The following C12orf42 variants were observed in gnomAD, a reference collection of about 807,000 sequenced individuals.
C12orf42 encodes chromosome 12 open reading frame 42.
In C12orf42, 25 loss-of-function variants were observed where a neutral mutation model predicts 21.6. That is an observed-to-expected ratio of 1.16 (90% CI 0.84 to 1.62). The LOEUF is 1.62. Ranked by LOEUF, C12orf42 falls within the 40% of genes most tolerant of loss-of-function variation. The pLI, the probability that C12orf42 is intolerant of heterozygous loss-of-function variation, is 0.00. For synonymous variants in C12orf42, 174 were observed against 175.0 expected, an observed-to-expected ratio of 0.99 and a Z score of 0.05; for missense variants, 483 against 459.3, an observed-to-expected ratio of 1.05 and a Z score of -0.47.
downstream of C12orf42, among the ~76,000 whole-genome samples, chr12:103,233,365 T>G (rs892842730): frequency 6.6e-6 from 1 of 152,210 alleles, no homozygotes; most frequent in Admixed American, 6.5e-5. Flanking sequence ...CAAAATAATC[T>G]TTGAGGATTT....
Position 103,328,645 on chromosome 12 carries a change from C to T in C12orf42, c.260-22300G>A, listed in dbSNP as rs118011875. Among the ~76,000 whole-genome samples, 109 of 152,280 alleles carry T rather than the reference C, an allele frequency of 7.2e-4. 2 individuals carry two copies. The highest frequency in any genetic ancestry group is 7.1e-3 in the East Asian group (37 of 5,188). ...CCATTGAGTGAAAGCATTTATTGAACAGAAAACATTTTTATTCTCTAGAAA... is the reference window on the plus strand; with the variant it reads ...CCATTGAGTGAAAGCATTTATTGAATAGAAAACATTTTTATTCTCTAGAAA... On this transcript the variant is annotated intron_variant, in intron 4 of 5. Transcript: ENST00000548883.
chr12:103,416,228 G>A (rs1593907807), intron 2 of C12orf42, among the ~76,000 whole-genome samples: 2 of 90,340 alleles, frequency 2.2e-5, no homozygotes, highest in African/African-American at 6.2e-5. Flanking sequence ...AAGTAATGTA[G>A]GTTAAAAAAA....
the C12orf42 span, among the ~76,000 whole-genome samples, chr12:103,535,105 T>C: frequency 7.2e-5 from 11 of 152,172 alleles, no homozygotes; most frequent in African/African-American, 2.7e-4. Flanking sequence ...GAGCCTTGTG[T>C]CCTCTGCCAG....
the C12orf42 span, among the ~76,000 whole-genome samples, chr12:103,161,012 C>A: frequency 1.3e-5 from 2 of 152,186 alleles, no homozygotes; most frequent in Non-Finnish European, 2.9e-5. Context: ...CTATGTGAAA[C>A]GTTGAGCATA....
the C12orf42 span, among the ~76,000 whole-genome samples, chr12:103,169,240 A>G: frequency 6.6e-6 from 1 of 151,958 alleles, no homozygotes; most frequent in Non-Finnish European, 1.5e-5. Context: ...TTCGTGCACT[A>G]TGTAAATGGA....
rs138605017 is a variant in C12orf42 at position 103,434,543 on chromosome 12, C to T, written c.79-32868G>A. On this transcript the variant is annotated intron_variant, in intron 2 of 5. Coordinates refer to ENST00000548883, the MANE Select transcript of C12orf42 (RefSeq NM_198521.5). The stretch of plus-strand genomic sequence containing the variant: ...CAGTGGGTGCAGGTCAGTGGGTGCG[C>T]GTACCATGCACGAGCCGAAGCAGGG... Among the ~76,000 whole-genome samples the T allele has an allele frequency of 8.5e-3, 1,297 of 152,142 alleles. 34 individuals are homozygous for T. The highest frequency in any genetic ancestry group is 0.035 in the Admixed American group (533 of 15,282).
chr12:103,410,648 A>C (rs1013908565), intron 2 of C12orf42, among the ~76,000 whole-genome samples: 9 of 152,228 alleles, frequency 5.9e-5, no homozygotes, highest in Admixed American at 1.3e-4. Flanking sequence ...TGCCAGAAGA[A>C]CATTTGGAAC....
chr12:103,534,936 C>T, the C12orf42 span, among the ~76,000 whole-genome samples: 1 of 152,194 alleles, frequency 6.6e-6, no homozygotes, highest in Admixed American at 6.5e-5. Context: ...TCTCTAAGCT[C>T]GGGATTCCTT....
At chr12:103,425,848 G>A (rs922233680) in intron 2 of C12orf42, among the ~76,000 whole-genome samples, 5 of 152,022 alleles carry the variant, frequency 3.3e-5, no homozygotes, top group African/African-American at 7.3e-5. Flanking sequence ...TGGCTTTGCC[G>A]AGCTGTGGTG....
the C12orf42 span, among the ~76,000 whole-genome samples, chr12:103,062,317 A>C: frequency 1.3e-5 from 2 of 150,790 alleles, no homozygotes; most frequent in Non-Finnish European, 3.0e-5. Flanking sequence ...AGCATTTTTA[A>C]AATTTTGCTT....
At chr12:103,171,267 G>C in the C12orf42 span, among the ~76,000 whole-genome samples, 4 of 152,030 alleles carry the variant, frequency 2.6e-5, no homozygotes, top group African/African-American at 9.7e-5. Flanking sequence ...AAACACCTCG[G>C]TATATACTTA....
At chr12:103,338,360 T>C (rs1486980113) in intron 4 of C12orf42, among the ~76,000 whole-genome samples, 2 of 152,176 alleles carry the variant, frequency 1.3e-5, no homozygotes, top group Admixed American at 1.3e-4. Context: ...TCCTCTGAAG[T>C]TCCACACCAG....
intron 10 of C12orf42, among the ~76,000 whole-genome samples, chr12:103,238,209 T>C (rs1417620157): frequency 1.3e-5 from 2 of 152,224 alleles, no homozygotes; most frequent in East Asian, 3.9e-4. Flanking sequence ...TAAAATTATA[T>C]TGGAACACGG....
rs879933743 is a variant in C12orf42 at position 103,474,464 on chromosome 12, G to A, written c.78+3885C>T. Among the ~76,000 whole-genome samples, 133 of 152,090 alleles carry A rather than the reference G, an allele frequency of 8.7e-4. 1 individual carries two copies. Among genetic ancestry groups the A allele is most frequent in the Non-Finnish European group, 1.5e-3 (105 of 67,994 alleles). ...TACATGTATGTATGTATGTGTGTGT[G>A]TGTGTGTGTGTGTGTGTATAAAATA... is the stretch of plus-strand genomic sequence containing the variant. On this transcript the variant is annotated intron_variant, in intron 2 of 5. Transcript: ENST00000548883.
chr12:103,287,291 C>T (rs573285571), intron 4 of C12orf42, among the ~76,000 whole-genome samples: 129 of 152,302 alleles, frequency 8.5e-4, no homozygotes, highest in African/African-American at 3.0e-3. Flanking sequence ...ATAGCAAAGA[C>T]TTGGAACCAA....
chr12:103,160,366 G>A, the C12orf42 span, among the ~76,000 whole-genome samples: 4 of 152,162 alleles, frequency 2.6e-5, no homozygotes, highest in African/African-American at 9.7e-5. Flanking sequence ...AGAAGTCAAT[G>A]TGAAAGGTTT....
chr12:103,344,569 G>GAC lies in C12orf42; in HGVS notation c.259+24316_259+24317dup, dbSNP rs962346060. Among the ~76,000 whole-genome samples the GAC allele has an allele frequency of 6.9e-4, 105 of 152,172 alleles. 1 individual carries two copies. Among genetic ancestry groups the GAC allele is most frequent in the African/African-American group, 2.3e-3 (96 of 41,512 alleles). On this transcript the variant is annotated intron_variant, in intron 4 of 5. Coordinates refer to ENST00000548883, the MANE Select transcript of C12orf42 (RefSeq NM_198521.5). ...ACCCACCCATAGCCTGGTACCATGT[G>GAC]ACACACACACACAACAACACAGGTG...
At chr12:103,220,133 C>T in the C12orf42 span, among the ~76,000 whole-genome samples, 1 of 152,110 alleles carries the variant, frequency 6.6e-6, no homozygotes, top group Non-Finnish European at 1.5e-5. Context: ...AACTGGAAAC[C>T]ATCATTCTCA....
In C12orf42 at chr12:103,305,275, T is replaced by C. The variant is rs1368883958; in HGVS notation, c.631+699A>G. 2.6e-5 allele frequency among the ~76,000 whole-genome samples: 4 copies of C among 152,182 alleles called. No individual in the cohort carries two copies. The East Asian group carries it at 7.7e-4, about 29-fold the overall frequency. ...TGGAATATTTGGAGATCCACATTTT[T>C]TCCTTACATTTTCTCTCCTCCAGTC... On this transcript the variant is annotated intron_variant, in intron 5 of 5. Transcript: ENST00000548883.
Sources: allele counts gnomAD v4.1 joint callset (sites outside exome capture counted in the v4.1 genomes callset), GRCh38; gene constraint gnomAD v4.1.1; transcripts MANE v1.5; gene names NCBI Gene and HGNC (gene_info 2026-07-23, HGNC 2026-07-21).